The following NOTCH1 variants were observed in gnomAD, a reference collection of about 807,000 sequenced individuals.
NOTCH1 encodes the protein notch receptor 1.
Under a neutral mutation model 254.8 loss-of-function variants are expected in NOTCH1, and 37 were observed. That is an observed-to-expected ratio of 0.15 (90% CI 0.11 to 0.19). The LOEUF is 0.19. NOTCH1 is among the 10% of genes least tolerant of loss of function. The pLI is 1.00. For missense variants in NOTCH1, 2,972 were observed against 3,708.6 expected (o/e 0.80, Z 5.16); for synonymous variants, 1,731 against 1,618.1 (o/e 1.07, Z -1.68).
At position 136,502,073 on chromosome 9, in the gene NOTCH1, A is replaced by C. The variant is rs768070062; in HGVS notation, c.5400T>G (p.Ala1800=). 1.2e-6 allele frequency: 2 copies of C among 1,613,196 alleles called. No homozygotes were observed. Among genetic ancestry groups the C allele is most frequent in the Non-Finnish European group, 1.7e-6 (2 of 1,179,946 alleles). The change falls in exon 29 of 34, where the codon GCT becomes GCG. Residue 1800 remains alanine (A), a synonymous_variant. Transcript: ENST00000651671. ...DSVGLKPLKN[A]SDGALMDDNQ... ...TGTCGTCCATGAGGGCACCGTCTGAAGCGTTCTTCAGGGGCCTGGGGGGTG... is the reference window on the plus strand; with the variant it reads ...TGTCGTCCATGAGGGCACCGTCTGACGCGTTCTTCAGGGGCCTGGGGGGTG...
At chr9:136,512,584 G>C (rs1843198311) in intron 15 of NOTCH1, among the ~76,000 whole-genome samples, 1 of 152,218 alleles carries the variant, frequency 6.6e-6, no homozygotes, top group South Asian at 2.1e-4. Flanking sequence ...AGGTCCGGCT[G>C]GCGGGGGTGG....
At chr9:136,531,401 G>T (rs1843556837) in intron 2 of NOTCH1, among the ~76,000 whole-genome samples, 1 of 152,208 alleles carries the variant, frequency 6.6e-6, no homozygotes, top group South Asian at 2.1e-4. Flanking sequence ...GCACAGGAGT[G>T]GCAGAAGCTC....
intron 29 of NOTCH1, 32 bp downstream of exon 29, chr9:136,501,969 G>C (rs563658290): frequency 6.2e-7 from 1 of 1,611,514 alleles, no homozygotes; most frequent in Admixed American, 1.7e-5. Context: ...AGGTGCCCGG[G>C]AGCCCAGGAG....
chr9:136,509,533 T>G (rs1298566845), intron 18 of NOTCH1, among the ~76,000 whole-genome samples, 200 bp downstream of exon 18: 1 of 152,172 alleles, frequency 6.6e-6, no homozygotes, highest in East Asian at 1.9e-4. Flanking sequence ...GCGCTCCTGG[T>G]GCGGGACACA....
intron 2 of NOTCH1, among the ~76,000 whole-genome samples, chr9:136,529,478 G>A (rs929595100): frequency 6.6e-6 from 1 of 152,236 alleles, no homozygotes; most frequent in Non-Finnish European, 1.5e-5. Flanking sequence ...GGGGGCTCGG[G>A]GTCCCACCTC....
intron 4 of NOTCH1, chr9:136,522,626 C>CG: frequency 1.9e-6 from 1 of 538,884 alleles, no homozygotes. Flanking sequence ...TCCAGAGACA[C>CG]GGGCTGGCAC....
At position 136,508,869 on chromosome 9, in the gene NOTCH1, C is replaced by A; in HGVS notation, c.3171+1G>T. 2 of 1,543,624 alleles carry A rather than the reference C, an allele frequency of 1.3e-6. No individual in the cohort carries two copies. Among genetic ancestry groups the A allele is most frequent in the Non-Finnish European group, 1.7e-6 (2 of 1,143,184 alleles). On this transcript the variant is annotated splice_donor_variant, in intron 19 of 33. Transcript: ENST00000651671. LOFTEE classifies it high-confidence loss of function. Reference sequence around the variant, plus strand: ...GGCACCTCTGTGGCCGGCGCACTCACCTGGCAGTTGGGGCCAGTGTAGCCC... The same window carrying A: ...GGCACCTCTGTGGCCGGCGCACTCAACTGGCAGTTGGGGCCAGTGTAGCCC...
At chr9:136,498,599 G>A (rs1010301813) in intron 33 of NOTCH1, among the ~76,000 whole-genome samples, 2 of 152,170 alleles carry the variant, frequency 1.3e-5, no homozygotes, top group Non-Finnish European at 1.5e-5. Context: ...CGTTCCCCAC[G>A]CCAGGCTGTG....
rs542213435 is a variant in NOTCH1, at chr9:136,535,140, G to A, written c.140+8884C>T. The stretch of plus-strand genomic sequence containing the variant: ...CTGAGGGAACCGCTGCCCCACCCCC[G>A]CCCCACAGAGCCCTGGTGTCTGGGC... On this transcript the variant is annotated intron_variant, in intron 2 of 33. Transcript: ENST00000651671. Among the ~76,000 whole-genome samples the A allele has an allele frequency of 2.6e-4, 34 of 132,152 alleles. No homozygotes were observed. The South Asian group carries it at 6.7e-3, about 26-fold the overall frequency. 86.7% of individuals were successfully genotyped at this position (132,152 alleles called of 152,430 possible).
chr9:136,546,044 C>CT lies in NOTCH1; in HGVS notation c.-259dup, dbSNP rs1454970870. 6.6e-6 allele frequency: 1 copy of CT among 152,634 alleles called. No individual in the cohort carries two copies. Among genetic ancestry groups the CT allele is most frequent in the Non-Finnish European group, 1.5e-5 (1 of 68,926 alleles). 9.5% of individuals were successfully genotyped at this position (152,634 alleles called of 1,614,324 possible). ...TGCGCTCCCTCCCGCGGCCGAGGCA[C>CT]TAGTGAGGCTCAGAGTCGAGGTGCG... On this transcript the variant is annotated 5_prime_UTR_variant, in exon 1 of 34. Transcript: ENST00000651671.
Position 136,508,937 on chromosome 9 carries a change from G to A in NOTCH1, c.3104C>T (p.Thr1035Ile), listed in dbSNP as rs886039138. ...GTAGGAGCCGCAGCCGTCCTGACAG[G>A]TGCCGCCATGCAGGCAGGGCTGTGA... ...CDSQPCLHGG[T>I]CQDGCGSYRC... Residue 1035 changes from threonine (T) to isoleucine (I), a missense_variant, in exon 19 of 34, where the codon ACC becomes ATC. Coordinates refer to ENST00000651671, the MANE Select transcript of NOTCH1 (RefSeq NM_017617.5). 2.6e-6 allele frequency: 4 copies of A among 1,550,118 alleles called. No individual in the cohort carries two copies. The highest frequency in any genetic ancestry group is 2.4e-5 in the East Asian group (1 of 41,048).
chr9:136,544,324 T>G (rs936774376), intron 1 of NOTCH1, among the ~76,000 whole-genome samples: 19 of 152,124 alleles, frequency 1.2e-4, no homozygotes, highest in Non-Finnish European at 2.4e-4. Flanking sequence ...AGTTCTGTAG[T>G]CAGAAATGGG....
In NOTCH1 at chr9:136,544,083, G is replaced by A. The variant is rs1293509255; in HGVS notation, c.81C>T (p.Pro27=). The part of the protein sequence containing the change: ...LAARGPRCSQ[P]GETCLNGGKC... Reference sequence around the variant, plus strand: ...TCCCGCCATTCAGGCAGGTCTCACCGGGCTGGGAGCATCGCGGGCCTAGGC... The same window carrying A: ...TCCCGCCATTCAGGCAGGTCTCACCAGGCTGGGAGCATCGCGGGCCTAGGC... The change falls in exon 2 of 34, where the codon CCC becomes CCT. Residue 27 remains proline (P), a synonymous_variant. Transcript: ENST00000651671. 6.3e-6 allele frequency: 10 copies of A among 1,578,930 alleles called. No homozygotes were observed. The highest frequency in any genetic ancestry group is 8.6e-6 in the Non-Finnish European group (10 of 1,163,740).
Position 136,502,096 on chromosome 9 carries a change from G to A in NOTCH1, c.5385-8C>T, listed in dbSNP as rs758203250. The stretch of plus-strand genomic sequence containing the variant: ...GAAGCGTTCTTCAGGGGCCTGGGGG[G>A]TGAGGGGTCGAGAAGTGAGGCTGAG... On this transcript the variant is annotated splice_region_variant and splice_polypyrimidine_tract_variant and intron_variant, in intron 28 of 33. Coordinates refer to ENST00000651671, the MANE Select transcript of NOTCH1 (RefSeq NM_017617.5). 1.2e-6 allele frequency: 2 copies of A among 1,612,886 alleles called. No homozygotes were observed. Among genetic ancestry groups the A allele is most frequent in the Non-Finnish European group, 1.7e-6 (2 of 1,179,946 alleles).
intron 16 of NOTCH1, 50 bp downstream of exon 16, chr9:136,511,102 G>A (rs2133354185): frequency 6.2e-7 from 1 of 1,612,424 alleles, no homozygotes; most frequent in East Asian, 2.2e-5. Context: ...GTGTCCCGCA[G>A]ACATCCTGAC....
At position 136,505,843 on chromosome 9, in the gene NOTCH1, G is replaced by T. The variant is rs1267241464; in HGVS notation, c.4053C>A (p.Thr1351=). ...EGATCENDAR[T]CGSLRCLNGG... ...CGTTGAGGCAGCGCAGGCTGCCGCA[G>T]GTACGAGCGTCATTCTCACACGTGG... Residue 1351 remains threonine (T), a synonymous_variant, in exon 25 of 34, where the codon ACC becomes ACA. Transcript: ENST00000651671. 2.5e-6 allele frequency: 4 copies of T among 1,594,732 alleles called. No homozygotes were observed. The highest frequency in any genetic ancestry group is 3.4e-6 in the Non-Finnish European group (4 of 1,177,310).
intron 2 of NOTCH1, among the ~76,000 whole-genome samples, chr9:136,530,071 A>G (rs1209719859): frequency 1.3e-5 from 2 of 152,280 alleles, no homozygotes. Context: ...GGGCCCAGAA[A>G]AGGAGCCAGC....
At position 136,513,448 on chromosome 9, in the gene NOTCH1, C is replaced by T. The variant is rs374434131; in HGVS notation, c.2297G>A (p.Gly766Asp). 1 of 1,613,158 alleles carries T rather than the reference C, an allele frequency of 6.2e-7. No homozygotes were observed. Among genetic ancestry groups the T allele is most frequent in the Middle Eastern group, 1.6e-4 (1 of 6,062 alleles). The change falls in exon 14 of 34, where the codon GGC becomes GAC. Residue 766 changes from glycine (G) to aspartate (D), a missense_variant. Gly to Asp is a moderately conservative substitution (Grantham distance 94). Around this residue, in one of 8 missense-constraint regions of NOTCH1, gnomAD observed 1,343 missense variants for 1,557.0 expected, o/e 0.86. Transcript: ENST00000651671. This position sits in a 1 kb window ranked among gnomAD's most constrained non-coding sequence, Gnocchi z 4.7. ...ECESNPCVNG[G>D]TCKDMTSGYV... ...GCCACTGGTCATGTCTTTGCAGGTGCCGCCGTTGACACAAGGGTTGGATTC... is the reference window on the plus strand; with the variant it reads ...GCCACTGGTCATGTCTTTGCAGGTGTCGCCGTTGACACAAGGGTTGGATTC...
intron 15 of NOTCH1, among the ~76,000 whole-genome samples, chr9:136,512,476 C>T (rs1385475918): frequency 6.6e-6 from 1 of 152,200 alleles, no homozygotes; most frequent in African/African-American, 2.4e-5. Flanking sequence ...ATAGCAGGGG[C>T]TGGACAGTTG....
Sources: gnomAD v4.1 joint callset for allele counts (sites outside exome capture counted in the v4.1 genomes callset) on GRCh38, gnomAD v4.1.1 for gene constraint, gnomAD v4.1.1 regional missense constraint, Gnocchi (gnomAD v3.1) non-coding constraint, MANE v1.5 for transcripts, NCBI Gene and HGNC (gene_info 2026-07-23, HGNC 2026-07-21) for gene names.